The following EPB41L4A variants were observed in gnomAD, a reference collection of about 807,000 sequenced individuals.
The protein encoded by EPB41L4A is erythrocyte membrane protein band 4.1 like 4A.
A neutral mutation model predicts 108.6 loss-of-function variants in EPB41L4A; 100 were observed. The observed-to-expected ratio is 0.92, with a 90% CI of 0.78 to 1.09. The LOEUF (loss-of-function observed/expected upper bound fraction) is 1.09, where lower values mean the gene tolerates loss of function less well. EPB41L4A is among the 50% of genes least tolerant of loss of function. The pLI is 0.00. For missense variants in EPB41L4A, 1,030 were observed against 842.7 expected (o/e 1.22, Z -2.75); for synonymous variants, 319 against 289.0 (o/e 1.10, Z -1.05).
intron 1 of EPB41L4A, among the ~76,000 whole-genome samples, chr5:112,382,148 AT>A (rs1303535792): frequency 6.6e-6 from 1 of 152,244 alleles, no homozygotes; most frequent in Non-Finnish European, 1.5e-5. Context: ...GGCTTTTAAA[AT>A]TCTTGATAAA....
chr5:112,245,390 A>C (rs1750131551), intron 9 of EPB41L4A, among the ~76,000 whole-genome samples: 1 of 152,234 alleles, frequency 6.6e-6, no homozygotes, highest in South Asian at 2.1e-4. Flanking sequence ...ACTTTTAATA[A>C]GGACAGAATA....
At chr5:112,408,504 C>T (rs1222607159) in intron 1 of EPB41L4A, among the ~76,000 whole-genome samples, 1 of 151,424 alleles carries the variant, frequency 6.6e-6, no homozygotes, top group East Asian at 1.9e-4. Flanking sequence ...CTCAAAAAGA[C>T]AAATCAGTTT....
At chr5:112,236,281 C>A (rs1235846634) in intron 11 of EPB41L4A, among the ~76,000 whole-genome samples, 1 of 152,162 alleles carries the variant, frequency 6.6e-6, no homozygotes, top group Non-Finnish European at 1.5e-5. Context: ...CAGGACCCAG[C>A]ACTAGAACAA....
rs752001209 is a variant in EPB41L4A at position 112,164,690 on chromosome 5, C to G, written c.*300G>C. On this transcript the variant is annotated 3_prime_UTR_variant, in exon 23 of 23. Transcript: ENST00000261486. ...CTACTAAAAATACAAAAAGAATTAG[C>G]CGGGTGTTGTGGTGCACGCCTGTAA... 2.2e-5 allele frequency: 4 copies of G among 180,720 alleles called. No individual in the cohort carries two copies. Among genetic ancestry groups the G allele is most frequent in the African/African-American group, 9.5e-5 (4 of 42,208 alleles). The allele number at this position is 180,720 out of a possible 1,614,324, so 11.2% of individuals were successfully genotyped here. A position where few individuals can be genotyped will look rare whatever the true frequency, so the allele number is the denominator to read the frequency against.
intron 17 of EPB41L4A, among the ~76,000 whole-genome samples, chr5:112,188,101 T>C (rs10069011): frequency 0.68 from 103,438 of 152,156 alleles, 36,013 homozygotes; most frequent in East Asian, 0.99. Flanking sequence ...TTCCAGACAA[T>C]TGCTTCACAT....
intron 9 of EPB41L4A, among the ~76,000 whole-genome samples, chr5:112,243,869 C>A (rs370672336): frequency 2.0e-5 from 3 of 152,298 alleles, no homozygotes; most frequent in African/African-American, 7.2e-5. Context: ...CTTGTTGGAT[C>A]TTCTATCCAG....
chr5:112,184,162 T>A (rs1239566365), intron 17 of EPB41L4A, 27 bp from the exon 18 acceptor site: 1 of 1,612,690 alleles, frequency 6.2e-7, no homozygotes, highest in Non-Finnish European at 8.5e-7. Flanking sequence ...GCATCTGAAG[T>A]TAACATCTAC....
At chr5:112,229,414 A>AT (rs1469358266) in intron 12 of EPB41L4A, among the ~76,000 whole-genome samples, 1 of 151,954 alleles carries the variant, frequency 6.6e-6, no homozygotes, top group Non-Finnish European at 1.5e-5. Flanking sequence ...TTATTTATTT[A>AT]TTATTTTTAT....
chr5:112,283,653 A>C (rs181639825), intron 2 of EPB41L4A, among the ~76,000 whole-genome samples: 1 of 152,350 alleles, frequency 6.6e-6, no homozygotes, highest in East Asian at 1.9e-4. Context: ...GATATCATTC[A>C]TTCATTCATC....
At chr5:112,365,280 A>G (rs888084033) in intron 1 of EPB41L4A, among the ~76,000 whole-genome samples, 8 of 152,150 alleles carry the variant, frequency 5.3e-5, no homozygotes, top group Admixed American at 3.3e-4. Flanking sequence ...AGCATACTAC[A>G]GCCTCAAACT....
chr5:112,401,932 CAG>C (rs1479955746), intron 1 of EPB41L4A, among the ~76,000 whole-genome samples: 1 of 152,178 alleles, frequency 6.6e-6, no homozygotes, highest in African/African-American at 2.4e-5. Flanking sequence ...GTATTAAACA[CAG>C]GGGGAAATGG....
rs200074307 is a variant in EPB41L4A, at chr5:112,204,477, T to C, written c.1274A>G (p.Asn425Ser). ...EENGPQSGLY[N>S]SPSDRTKSPK... ...CGACTTAGTGCGATCACTGGGAGAATTGTAGAGTCCACTGGAGAGAAAGAA... is the reference window on the plus strand; with the variant it reads ...CGACTTAGTGCGATCACTGGGAGAACTGTAGAGTCCACTGGAGAGAAAGAA... The change falls in exon 15 of 23, where the codon AAT becomes AGT. Residue 425 changes from asparagine to serine, a missense_variant. Transcript: ENST00000261486. 4.5e-4 allele frequency: 733 copies of C among 1,611,578 alleles called. 9 individuals carry two copies. The highest frequency in any genetic ancestry group is 5.0e-4 in the Admixed American group (30 of 59,984).
intron 1 of EPB41L4A, among the ~76,000 whole-genome samples, chr5:112,369,488 C>T (rs1163630302): frequency 2.0e-5 from 3 of 152,236 alleles, no homozygotes; most frequent in African/African-American, 4.8e-5. Context: ...CAGGTCCCAT[C>T]TACTTATCCT....
chr5:112,402,257 C>A (rs146034788), intron 1 of EPB41L4A, among the ~76,000 whole-genome samples: 116 of 152,270 alleles, frequency 7.6e-4, no homozygotes, highest in African/African-American at 2.6e-3. Context: ...TCCCCCTCAC[C>A]TTCCACCACG....
chr5:112,414,478 G>A (rs1016413430), intron 1 of EPB41L4A, among the ~76,000 whole-genome samples: 1 of 152,166 alleles, frequency 6.6e-6, no homozygotes, highest in African/African-American at 2.4e-5. Flanking sequence ...CACACATCTG[G>A]TGAGAGGAGG....
At chr5:112,195,982 G>T (rs1761948846) in intron 15 of EPB41L4A, among the ~76,000 whole-genome samples, 1 of 152,118 alleles carries the variant, frequency 6.6e-6, no homozygotes, top group African/African-American at 2.4e-5. Flanking sequence ...TTTCAGAACT[G>T]CAATCCTCCA....
At chr5:112,387,265 G>A (rs1760611315) in intron 1 of EPB41L4A, among the ~76,000 whole-genome samples, 1 of 152,178 alleles carries the variant, frequency 6.6e-6, no homozygotes, top group African/African-American at 2.4e-5. Context: ...CCCGGACCCT[G>A]TGCAAACCAC....
intron 18 of EPB41L4A, among the ~76,000 whole-genome samples, chr5:112,172,539 T>G (rs996578668): frequency 2.0e-5 from 3 of 152,070 alleles, no homozygotes; most frequent in Non-Finnish European, 4.4e-5. Context: ...ATTGTATGTT[T>G]CTTACAAATC....
intron 18 of EPB41L4A, 39 bp from the exon 19 acceptor site, chr5:112,171,031 G>A (rs756410380): frequency 1.1e-5 from 17 of 1,553,758 alleles, no homozygotes; most frequent in Non-Finnish European, 1.5e-5. Context: ...CTGCAAACAT[G>A]CTTCATCTCA....
Sources: gnomAD v4.1 joint callset for allele counts (sites outside exome capture counted in the v4.1 genomes callset) on GRCh38, gnomAD v4.1.1 for gene constraint, MANE v1.5 for transcripts, NCBI Gene and HGNC (gene_info 2026-07-23, HGNC 2026-07-21) for gene names.